The following CYREN variants were observed in gnomAD, a reference collection of about 807,000 sequenced individuals.
The protein encoded by CYREN is cell cycle regulator of non-homologous end joining.
CYREN carries 7 observed loss-of-function variants against 9.7 expected under a neutral mutation model. The observed-to-expected ratio is 0.72, with a 90% CI of 0.41 to 1.36. The LOEUF (loss-of-function observed/expected upper bound fraction) is 1.36. CYREN is among the 40% of genes most tolerant of loss of function. CYREN has a pLI of 0.01. For synonymous variants in CYREN, 76 were observed against 77.9 expected (o/e 0.98, Z 0.13); for missense variants, 215 against 198.1 (o/e 1.09, Z -0.51).
Position 135,153,632 on chromosome 7 carries a change from G to A in CYREN, n.356+15117C>T, listed in dbSNP as rs545032185. On this transcript the variant is annotated intron_variant and non_coding_transcript_variant, in intron 2 of 2. Coordinates refer to the CYREN transcript ENST00000459937. ...AAAAACCACGCAATCCAGCAACCTG[G>A]GGTATCATATTTATTGATTTGCATA... Among the ~76,000 whole-genome samples, 10 of 152,226 alleles carry A rather than the reference G, an allele frequency of 6.6e-5. No individual in the cohort carries two copies. The South Asian group carries it at 1.9e-3, about 28-fold the overall frequency.
At chr7:135,165,580 A>G (rs1830078873), downstream of CYREN, 1 of 167,688 alleles carries the variant, frequency 6.0e-6, no homozygotes, top group African/African-American at 2.4e-5. Flanking sequence ...CATGGGGTAC[A>G]AAGACAAGGC....
intron 2 of CYREN, among the ~76,000 whole-genome samples, chr7:135,094,992 T>C (rs1822444180): frequency 6.6e-6 from 1 of 152,168 alleles, no homozygotes; most frequent in Admixed American, 6.5e-5. Flanking sequence ...TTTTCATAGT[T>C]CCCTTGTTGG....
intron 2 of CYREN, among the ~76,000 whole-genome samples, chr7:135,128,291 C>CAAAAAAAAAAAAAAAAA: frequency 3.4e-5 from 2 of 58,070 alleles, no homozygotes; most frequent in Non-Finnish European, 5.5e-5. Flanking sequence ...GACTCCATCT[C>CAAAAAAAAAAAAAAAAA]AAAAAAAAAA....
intron 2 of CYREN, among the ~76,000 whole-genome samples, chr7:135,123,315 T>G (rs1562898301): frequency 6.6e-6 from 1 of 151,998 alleles, no homozygotes; most frequent in Non-Finnish European, 1.5e-5. Flanking sequence ...ACAACCTTGC[T>G]GAAATAAGGC....
In CYREN at chr7:135,134,715, TCTTAAA is replaced by T. The variant is rs977025978; in HGVS notation, n.356+34028_356+34033del. On this transcript the variant is annotated intron_variant and non_coding_transcript_variant, in intron 2 of 2. Coordinates refer to the CYREN transcript ENST00000459937. ...GAAGACTTCTAAATGATGGTAAAAT[TCTTAAA>T]CTTTAAGAAGTTATGAACTTACTAA... The T allele has an allele frequency of 5.5e-6, 5 of 905,612 alleles. No homozygotes were observed. The African/African-American group carries it at 8.4e-5, about 15-fold the overall frequency. 56.1% of individuals were successfully genotyped at this position (905,612 alleles called of 1,614,324 possible).
At chr7:135,161,571 A>G (rs1164068320), downstream of CYREN, among the ~76,000 whole-genome samples, 3 of 152,206 alleles carry the variant, frequency 2.0e-5, no homozygotes, top group African/African-American at 4.8e-5. This position sits in a 1 kb window ranked among gnomAD's most constrained non-coding sequence, Gnocchi z 4.1. Flanking sequence ...CATTTACTAA[A>G]TAAGCAAAAC....
intron 2 of CYREN, among the ~76,000 whole-genome samples, chr7:135,139,298 T>C (rs920700215): frequency 1.3e-5 from 2 of 152,132 alleles, no homozygotes; most frequent in Non-Finnish European, 2.9e-5. Flanking sequence ...TGAGATGGTA[T>C]CTCATTGTGA....
intron 2 of CYREN, among the ~76,000 whole-genome samples, chr7:135,133,296 G>A (rs775010205): frequency 6.6e-5 from 10 of 152,194 alleles, no homozygotes; most frequent in Non-Finnish European, 1.5e-4. Flanking sequence ...ATATCTAAAT[G>A]AGTGGAAAGA....
chr7:135,127,172 G>GA (rs1479052384), intron 2 of CYREN, among the ~76,000 whole-genome samples: 1 of 151,750 alleles, frequency 6.6e-6, no homozygotes, highest in South Asian at 2.1e-4. Context: ...ATATTTACAA[G>GA]AAAAAAACAG....
At chr7:135,123,730 G>T (rs1419143312) in intron 2 of CYREN, among the ~76,000 whole-genome samples, 1 of 152,138 alleles carries the variant, frequency 6.6e-6, no homozygotes, top group African/African-American at 2.4e-5. Flanking sequence ...AAGATTGGGA[G>T]TCAATATTCA....
At chr7:135,104,066 C>A (rs1239060056) in intron 2 of CYREN, among the ~76,000 whole-genome samples, 6 of 152,094 alleles carry the variant, frequency 3.9e-5, no homozygotes, top group Admixed American at 1.3e-4. Flanking sequence ...CTCCCTCCTC[C>A]CACCCTTCAC....
In CYREN at chr7:135,156,468, C is replaced by A. The variant is rs146653011; in HGVS notation, n.356+12281G>T. On this transcript the variant is annotated intron_variant and non_coding_transcript_variant, in intron 2 of 2. Transcript: ENST00000459937. The stretch of plus-strand genomic sequence containing the variant: ...AGTCCTGTCTTCGAGTTCTGAGATT[C>A]TTTCTTCTGCTTGGTGTAGTCTACT... 1.8e-3 allele frequency among the ~76,000 whole-genome samples: 281 copies of A among 151,972 alleles called. 2 individuals carry two copies. The highest frequency in any genetic ancestry group is 6.3e-3 in the African/African-American group (261 of 41,436).
chr7:135,169,091 C>G, intron 1 of CYREN, 31 bp from the exon 2 acceptor site: 1 of 672,408 alleles, frequency 1.5e-6, no homozygotes, highest in Non-Finnish European at 2.4e-6. Flanking sequence ...CGGTGAATTC[C>G]CATACCTCCA....
intron 2 of CYREN, among the ~76,000 whole-genome samples, chr7:135,117,966 T>G (rs780447247): frequency 3.3e-5 from 5 of 152,196 alleles, no homozygotes; most frequent in Non-Finnish European, 5.9e-5. Context: ...TGCTGTAGGA[T>G]GCAAATTTGA....
chr7:135,105,676 C>G (rs1192569829), intron 2 of CYREN, among the ~76,000 whole-genome samples: 1 of 152,118 alleles, frequency 6.6e-6, no homozygotes, highest in African/African-American at 2.4e-5. Context: ...ATGCCTCCAG[C>G]TTTGTTCTTT....
Position 135,135,197 on chromosome 7 carries a change from A to G in CYREN, n.356+33552T>C. The G allele has an allele frequency of 6.5e-7, 1 of 1,547,986 alleles. No homozygotes were observed. Among genetic ancestry groups the G allele is most frequent in the Non-Finnish European group, 8.7e-7 (1 of 1,145,726 alleles). ...GCCCTCCATCTAACTAAAAATAAGGATGAGCAGGCCAATAAGAATGATGGA... is the reference window on the plus strand; with the variant it reads ...GCCCTCCATCTAACTAAAAATAAGGGTGAGCAGGCCAATAAGAATGATGGA... On this transcript the variant is annotated intron_variant and non_coding_transcript_variant, in intron 2 of 2. Coordinates refer to the CYREN transcript ENST00000459937.
chr7:135,144,937 G>GGAAAAAA, intron 2 of CYREN, among the ~76,000 whole-genome samples: 1 of 2,074 alleles, frequency 4.8e-4, no homozygotes, highest in East Asian at 0.01. Context: ...TCTCAAAAGA[G>GGAAAAAA]TAAAAAAAAA....
At chr7:135,096,151 C>CTCAA (rs1822646635) in intron 2 of CYREN, among the ~76,000 whole-genome samples, 1 of 147,824 alleles carries the variant, frequency 6.8e-6, no homozygotes, top group Non-Finnish European at 1.5e-5. Context: ...GACTCTCTCT[C>CTCAA]AAAAAAAAAA....
chr7:135,096,596 G>GATAGATAGATAC (rs1585087460), intron 2 of CYREN, among the ~76,000 whole-genome samples: 1 of 134,388 alleles, frequency 7.4e-6, no homozygotes, highest in Non-Finnish European at 1.6e-5. Context: ...TAGATAGATA[G>GATAGATAGATAC]ATAGATAGAT....
Sources: allele counts gnomAD v4.1 joint callset (sites outside exome capture counted in the v4.1 genomes callset), GRCh38; gene constraint gnomAD v4.1.1; non-coding constraint Gnocchi (gnomAD v3.1); transcripts MANE v1.5; gene names NCBI Gene and HGNC (gene_info 2026-07-23, HGNC 2026-07-21).